MAMLD1: variants seen among roughly 807,000 people sequenced by gnomAD.
MAMLD1 encodes mastermind-like domain-containing protein 1.
A neutral mutation model predicts 45.0 loss-of-function variants in MAMLD1; 14 were observed. The observed-to-expected ratio is 0.31, with a 90% CI of 0.21 to 0.49. The LOEUF (loss-of-function observed/expected upper bound fraction) is 0.49. Among genes scored for constraint, MAMLD1 ranks in the 20% least tolerant of loss-of-function variants. MAMLD1 has a pLI of 0.99. For synonymous variants in MAMLD1, 254 were observed against 247.8 expected, an observed-to-expected ratio of 1.02 and a Z score of -0.24; for missense variants, 543 against 603.6, an observed-to-expected ratio of 0.90 and a Z score of 1.05.
chrX:150,442,003 G>T (rs1244386020), intron 1 of MAMLD1, among the ~76,000 whole-genome samples: 1 of 109,562 alleles, frequency 9.1e-6, no homozygotes, highest in Non-Finnish European at 1.9e-5. Context: ...TCTTGTTGGT[G>T]GATTGACACT....
At chrX:150,374,318 G>A (rs1241959512) in intron 1 of MAMLD1, among the ~76,000 whole-genome samples, 1 of 112,367 alleles carries the variant, frequency 8.9e-6, no homozygotes, top group Admixed American at 9.4e-5. Context: ...TTTTAGGCAA[G>A]TCTGTGAACC....
At chrX:150,413,586 C>T (rs2034175250) in intron 1 of MAMLD1, among the ~76,000 whole-genome samples, 1 of 109,510 alleles carries the variant, frequency 9.1e-6, no homozygotes, top group African/African-American at 3.3e-5. Flanking sequence ...GAGGTAGCAG[C>T]TTCTTCAGGA....
intron 1 of MAMLD1, among the ~76,000 whole-genome samples, chrX:150,430,872 A>C (rs1160550267): frequency 1.8e-5 from 2 of 112,292 alleles, no homozygotes; most frequent in Admixed American, 1.9e-4. Flanking sequence ...CCCTATAATA[A>C]GTCTTTAAAT....
At chrX:150,450,249 C>G (rs2035618455) in intron 2 of MAMLD1, among the ~76,000 whole-genome samples, 1 of 112,593 alleles carries the variant, frequency 8.9e-6, no homozygotes, top group African/African-American at 3.2e-5. Flanking sequence ...GAAAGCTAGG[C>G]TGCTTTAAAA....
chrX:150,474,786 G>A (rs1336374396), intron 5 of MAMLD1, among the ~76,000 whole-genome samples: 2 of 111,546 alleles, frequency 1.8e-5, no homozygotes, highest in Non-Finnish European at 3.8e-5. Context: ...CTCTCACTCC[G>A]CTCCTCTCCC....
chrX:150,420,466 G>C (rs1259298765), intron 1 of MAMLD1, among the ~76,000 whole-genome samples: 2 of 111,336 alleles, frequency 1.8e-5, no homozygotes, highest in Non-Finnish European at 3.8e-5. Context: ...ATCCAGCTTT[G>C]TTCCGTTGCT....
intron 5 of MAMLD1, among the ~76,000 whole-genome samples, chrX:150,489,826 G>T (rs1301219908): frequency 9.0e-6 from 1 of 111,085 alleles, no homozygotes; most frequent in Non-Finnish European, 1.9e-5. Context: ...GCCTGTGAAA[G>T]ATAAACAGGG....
At chrX:150,445,403 A>T in intron 1 of MAMLD1, 51 bp from the exon 2 acceptor site, 1 of 539,578 alleles carries the variant, frequency 1.9e-6, no homozygotes, top group Non-Finnish European at 3.3e-6. Flanking sequence ...TCACGGGGTC[A>T]GTGGTCTCAT....
intron 1 of MAMLD1, among the ~76,000 whole-genome samples, chrX:150,380,680 G>A (rs1603219055): frequency 9.0e-6 from 1 of 110,824 alleles, no homozygotes; most frequent in East Asian, 2.8e-4. Flanking sequence ...TAATCCATTT[G>A]GAGTTTATTC....
chrX:150,458,944 T>C (rs1296367811), intron 2 of MAMLD1, among the ~76,000 whole-genome samples: 1 of 112,355 alleles, frequency 8.9e-6, no homozygotes, highest in Non-Finnish European at 1.9e-5. Flanking sequence ...TGTACAGCAC[T>C]GTGGCTATAT....
intron 5 of MAMLD1, among the ~76,000 whole-genome samples, chrX:150,496,647 G>A (rs1012118480): frequency 3.6e-5 from 4 of 112,085 alleles, no homozygotes; most frequent in African/African-American, 1.3e-4. Flanking sequence ...ACTCTGGAGA[G>A]CCTTGATGCC....
At chrX:150,468,170 G>T (rs1243235435) in intron 3 of MAMLD1, among the ~76,000 whole-genome samples, 1 of 111,725 alleles carries the variant, frequency 9.0e-6, no homozygotes, top group Non-Finnish European at 1.9e-5. Flanking sequence ...TGGTGGGAGG[G>T]CCCAGGAATG....
At chrX:150,508,050 G>A (rs917263902) in intron 6 of MAMLD1, among the ~76,000 whole-genome samples, 2 of 112,585 alleles carry the variant, frequency 1.8e-5, no homozygotes, top group Non-Finnish European at 3.8e-5. Flanking sequence ...TCTTAGCCGT[G>A]TCACCTTGGG....
At chrX:150,454,273 CTATATAAA>C (rs782434416) in intron 2 of MAMLD1, among the ~76,000 whole-genome samples, 1 of 112,179 alleles carries the variant, frequency 8.9e-6, no homozygotes, top group African/African-American at 3.2e-5. Flanking sequence ...TGAACTTGGC[CTATATAAA>C]ATACCTCCAG....
chrX:150,383,519 A>G (rs1254544626), intron 1 of MAMLD1, among the ~76,000 whole-genome samples: 1 of 111,362 alleles, frequency 9.0e-6, no homozygotes, highest in African/African-American at 3.3e-5. Context: ...TGCAGATCCT[A>G]TACACATTAT....
At position 150,407,967 on chromosome X, in the gene MAMLD1, T is replaced by A. The variant is rs1557402720; in HGVS notation, c.-63-37487T>A. On this transcript the variant is annotated intron_variant, in intron 1 of 7. Coordinates refer to ENST00000370401, the MANE Select transcript of MAMLD1 (RefSeq NM_005491.5). ...ATTTCTCTCTTTGCTGGCTCTATGA[T>A]CCCAGAGTGGAGAGCATAGGAAACA... Among the ~76,000 whole-genome samples, 140 of 111,705 alleles carry A rather than the reference T, an allele frequency of 1.3e-3. 1 individual carries two copies. Among genetic ancestry groups the A allele is most frequent in the Middle Eastern group, 4.6e-3 (1 of 218 alleles).
At chrX:150,431,227 TGTG>T (rs2034929785) in intron 1 of MAMLD1, among the ~76,000 whole-genome samples, 1 of 111,844 alleles carries the variant, frequency 8.9e-6, no homozygotes, top group East Asian at 2.8e-4. Context: ...CCGATGTCTG[TGTG>T]TTCATTGCTA....
chrX:150,503,995 A>T (rs183154746), intron 6 of MAMLD1: 2 of 741,333 alleles, frequency 2.7e-6, no homozygotes, highest in Admixed American at 1.7e-4. Context: ...CCTGCCAGCC[A>T]TCTGCTGTGG....
Position 150,382,888 on chromosome X carries a change from TTTTTTTTTTTTTA to T in MAMLD1, c.-64+19365_-64+19377del, listed in dbSNP as rs2032703588. 1.0e-4 allele frequency among the ~76,000 whole-genome samples: 2 copies of T among 19,226 alleles called. 1 individual carries two copies. The highest frequency in any genetic ancestry group is 1.8e-4 in the Non-Finnish European group (2 of 11,094). The allele number at this position is 19,226 out of a possible 115,157, so 16.7% of individuals were successfully genotyped here. A position where few individuals can be genotyped will look rare whatever the true frequency, so the allele number is the denominator to read the frequency against. On this transcript the variant is annotated intron_variant, in intron 1 of 7. Transcript: ENST00000370401. ...ATATTTTGTCCCATTTTATTTTATTTTTTTTTTTTTTTATTTTTTATTTTTTTTTTTTTTGAGA... is the reference window on the plus strand; with the variant it reads ...ATATTTTGTCCCATTTTATTTTATTTTTTTTTATTTTTTTTTTTTTTGAGA...
Sources: gnomAD v4.1 joint callset for allele counts (sites outside exome capture counted in the v4.1 genomes callset) on GRCh38, gnomAD v4.1.1 for gene constraint, MANE v1.5 for transcripts, NCBI Gene and HGNC (gene_info 2026-07-23, HGNC 2026-07-21) for gene names.